The following EGFLAM variants were observed in gnomAD, a reference collection of about 807,000 sequenced individuals.
The protein encoded by EGFLAM is pikachurin.
Under a neutral mutation model 113.1 loss-of-function variants are expected in EGFLAM, and 79 were observed. The observed-to-expected ratio is 0.70, with a 90% CI of 0.58 to 0.84. The LOEUF (loss-of-function observed/expected upper bound fraction) is 0.84, where lower values mean the gene tolerates loss of function less well. Among genes scored for constraint, EGFLAM ranks in the 40% least tolerant of loss-of-function variants. The probability of loss-of-function intolerance (pLI) is 0.00; values close to 1 mark genes in which losing one functional copy is unlikely to be tolerated. For synonymous variants in EGFLAM, 504 were observed against 487.6 expected, an observed-to-expected ratio of 1.03 and a Z score of -0.44; for missense variants, 1,265 against 1,291.6, an observed-to-expected ratio of 0.98 and a Z score of 0.32.
At chr5:38,310,390 T>A (rs768374586) in intron 1 of EGFLAM, among the ~76,000 whole-genome samples, 11 of 152,166 alleles carry the variant, frequency 7.2e-5, no homozygotes, top group African/African-American at 2.7e-4. Context: ...AACAACCTAC[T>A]ACATGAGGTG....
intron 1 of EGFLAM, among the ~76,000 whole-genome samples, chr5:38,309,090 AT>A (rs1758800271): frequency 6.6e-6 from 1 of 152,264 alleles, no homozygotes; most frequent in Non-Finnish European, 1.5e-5. Context: ...ATATGAATTT[AT>A]CATCAAATGC....
chr5:38,337,403 G>T, intron 1 of EGFLAM, 117 bp from the exon 2 acceptor site: 1 of 987,062 alleles, frequency 1.0e-6, no homozygotes. Flanking sequence ...TGCATTTCTG[G>T]AATTATCTTT....
chr5:38,315,175 C>T (rs1033500153), intron 1 of EGFLAM, among the ~76,000 whole-genome samples: 1 of 152,128 alleles, frequency 6.6e-6, no homozygotes, highest in Non-Finnish European at 1.5e-5. Context: ...TATCCTATCT[C>T]TTTAAGGTGA....
At chr5:38,403,958 G>A (rs1243586374) in intron 6 of EGFLAM, 6 of 1,611,852 alleles carry the variant, frequency 3.7e-6, no homozygotes, top group Non-Finnish European at 5.1e-6. Flanking sequence ...TAAAACTGGG[G>A]AATTGGTGTG....
Position 38,462,825 on chromosome 5 carries a change from C to T in EGFLAM, c.2772-83C>T, listed in dbSNP as rs781246014. ...CTGGCACATAGTGTGTCCTTTAATA[C>T]ATTTGTATTGAAATGAATGAATGAT... On this transcript the variant is annotated intron_variant, in intron 20 of 21. Coordinates refer to ENST00000322350, the MANE Select transcript of EGFLAM (RefSeq NM_152403.4). 87 of 1,456,702 alleles carry T rather than the reference C, an allele frequency of 6.0e-5. No homozygotes were observed. The East Asian group carries it at 2.0e-3, about 33-fold the overall frequency. The allele number at this position is 1,456,702 out of a possible 1,614,324, so 90.2% of individuals were successfully genotyped here.
At chr5:38,401,711 G>A (rs1741119258) in intron 6 of EGFLAM, 2 of 152,198 alleles carry the variant, frequency 1.3e-5, no homozygotes, top group African/African-American at 4.8e-5. Context: ...ATGGAGGAAG[G>A]GAAAGGATAT....
chr5:38,461,908 G>A lies in EGFLAM; in HGVS notation c.2772-1000G>A, dbSNP rs138075947. 5.5e-3 allele frequency among the ~76,000 whole-genome samples: 834 copies of A among 152,238 alleles called. 8 individuals carry two copies. Among genetic ancestry groups the A allele is most frequent in the African/African-American group, 0.019 (801 of 41,540 alleles). ...TGGCCGGGTGCAGTGGCTCACGCCT[G>A]TAATCCCAGCACTTTGGGAGGCCGA... On this transcript the variant is annotated intron_variant, in intron 20 of 21. Transcript: ENST00000322350.
chr5:38,348,483 A>T (rs944980531), intron 3 of EGFLAM, among the ~76,000 whole-genome samples: 3 of 152,146 alleles, frequency 2.0e-5, no homozygotes, highest in Non-Finnish European at 4.4e-5. Context: ...GAGCCAAGAG[A>T]TTGAAGAAGC....
At chr5:38,351,458 C>T (rs779387026) in intron 4 of EGFLAM, among the ~76,000 whole-genome samples, 3 of 152,154 alleles carry the variant, frequency 2.0e-5, no homozygotes, top group South Asian at 2.1e-4. Flanking sequence ...CACAGGAGGG[C>T]GCACTTCCTC....
At chr5:38,386,058 ATGGTATTATAAT>A (rs1302257692) in intron 6 of EGFLAM, among the ~76,000 whole-genome samples, 1 of 152,200 alleles carries the variant, frequency 6.6e-6, no homozygotes, top group Non-Finnish European at 1.5e-5. Context: ...CAGTCAAACT[ATGGTATTATAAT>A]CTTACGGGCC....
rs368435301 is a variant in EGFLAM, at chr5:38,412,534, C to T, written c.1380C>T (p.Ile460=). The change falls in exon 11 of 22, where the codon ATC becomes ATT. Residue 460 remains isoleucine (I), a synonymous_variant. Transcript: ENST00000322350. ...RFNCGTGVAI[I]VSETKIKLGG... is the part of the protein sequence containing the mutation. ...ATTGTGGAACTGGGGTTGCCATCAT[C>T]GTAAGTGAGACCAAAATCAAACTAG... 1.1e-4 allele frequency: 185 copies of T among 1,614,006 alleles called. No homozygotes were observed. The highest frequency in any genetic ancestry group is 1.6e-4 in the Middle Eastern group (1 of 6,084).
intron 7 of EGFLAM, 39 bp from the exon 8 acceptor site, chr5:38,406,789 C>G (rs1191139624): frequency 1.9e-6 from 3 of 1,579,264 alleles, no homozygotes; most frequent in South Asian, 1.1e-5. Context: ...TTGCCATGCT[C>G]TGTGTTCATC....
chr5:38,295,390 T>C (rs951173498), intron 1 of EGFLAM, among the ~76,000 whole-genome samples: 1 of 152,224 alleles, frequency 6.6e-6, no homozygotes, highest in Admixed American at 6.5e-5. Flanking sequence ...TTTGAATAAA[T>C]GGATGTTTTT....
At chr5:38,307,368 C>G (rs1561271698) in intron 1 of EGFLAM, among the ~76,000 whole-genome samples, 2 of 152,160 alleles carry the variant, frequency 1.3e-5, no homozygotes, top group East Asian at 1.9e-4. Context: ...GGGATGGTAT[C>G]CCTCATGCTG....
At chr5:38,401,784 G>A (rs936869699) in intron 6 of EGFLAM, 4 of 152,192 alleles carry the variant, frequency 2.6e-5, no homozygotes, top group Admixed American at 1.3e-4. Context: ...TAAACACAAG[G>A]GCAAGAGTCT....
At chr5:38,260,841 G>A (rs1184800507) in intron 1 of EGFLAM, among the ~76,000 whole-genome samples, 1 of 152,150 alleles carries the variant, frequency 6.6e-6, no homozygotes. Flanking sequence ...AATTGGTCCA[G>A]ATTAAAAAAC....
rs779333617 is a variant in EGFLAM at position 38,451,408 on chromosome 5, C to G, written c.2637C>G (p.Pro879=). 5.6e-6 allele frequency: 9 copies of G among 1,614,214 alleles called. No homozygotes were observed. Among genetic ancestry groups the G allele is most frequent in the Non-Finnish European group, 7.6e-6 (9 of 1,180,032 alleles). The change falls in exon 19 of 22, where the codon CCC becomes CCG. Residue 879 remains proline, a synonymous_variant. Coordinates refer to ENST00000322350, the MANE Select transcript of EGFLAM (RefSeq NM_152403.4). ...GGAGGGGAGACAGCCCCATGAGACC[C>G]AACAGCGACTTCATTTCCTTGGGCC... is the stretch of plus-strand genomic sequence containing the variant. ...LLWRGDSPMR[P]NSDFISLGLR...
intron 16 of EGFLAM, among the ~76,000 whole-genome samples, chr5:38,437,119 CAGT>C (rs781297494): frequency 1.2e-4 from 18 of 152,318 alleles, no homozygotes; most frequent in Non-Finnish European, 2.5e-4. Flanking sequence ...CTAGGGAACC[CAGT>C]AGCCCCTCCT....
At chr5:38,411,989 G>T (rs1402457878) in intron 10 of EGFLAM, among the ~76,000 whole-genome samples, 1 of 150,946 alleles carries the variant, frequency 6.6e-6, no homozygotes, top group African/African-American at 2.4e-5. Flanking sequence ...TAGTAGAAAC[G>T]GGGTTTCACC....
Sources: allele counts gnomAD v4.1 joint callset (sites outside exome capture counted in the v4.1 genomes callset), GRCh38; gene constraint gnomAD v4.1.1; transcripts MANE v1.5; gene names NCBI Gene and HGNC (gene_info 2026-07-23, HGNC 2026-07-21).